KLF12: variants seen among roughly 807,000 people sequenced by gnomAD.
KLF12 encodes Krueppel-like factor 12.
Under a neutral mutation model 37.8 loss-of-function variants are expected in KLF12, and 9 were observed. The observed-to-expected ratio is 0.24, with a 90% confidence interval of 0.14 to 0.42. KLF12 has a LOEUF of 0.42. Among genes scored for constraint, KLF12 ranks in the 10% least tolerant of loss-of-function variants. KLF12 has a pLI of 1.00. For synonymous variants in KLF12, 208 were observed against 202.1 expected (o/e 1.03, Z -0.25); for missense variants, 411 against 516.0 (o/e 0.80, Z 1.97).
At chr13:74,158,008 G>A in the KLF12 span, among the ~76,000 whole-genome samples, 1 of 152,080 alleles carries the variant, frequency 6.6e-6, no homozygotes, top group Non-Finnish European at 1.5e-5. Context: ...TTATTCTCAC[G>A]CAAATTTAAA....
chr13:73,738,267 C>T (rs1387469787), intron 6 of KLF12, among the ~76,000 whole-genome samples: 1 of 151,094 alleles, frequency 6.6e-6, no homozygotes, highest in African/African-American at 2.4e-5. Context: ...GCCTCAGCCT[C>T]CCAAGTAGCT....
chr13:73,954,321 T>C (rs1473259799), intron 2 of KLF12, among the ~76,000 whole-genome samples: 1 of 152,194 alleles, frequency 6.6e-6, no homozygotes, highest in Non-Finnish European at 1.5e-5. Flanking sequence ...TCTCTTCATA[T>C]ATTTGTAATT....
At chr13:73,858,763 TGAAAAG>T (rs954159334) in intron 3 of KLF12, among the ~76,000 whole-genome samples, 2 of 152,058 alleles carry the variant, frequency 1.3e-5, no homozygotes, top group Admixed American at 6.5e-5. Flanking sequence ...TTGGAAAACA[TGAAAAG>T]GAAAAGTAAT....
chr13:74,163,341 A>G, the KLF12 span, among the ~76,000 whole-genome samples: 1 of 152,226 alleles, frequency 6.6e-6, no homozygotes, highest in Admixed American at 6.5e-5. Flanking sequence ...CTGTTTATCA[A>G]CAGATGAATG....
Position 73,943,966 on chromosome 13 carries a change from GA to G in KLF12, c.123+14del. Reference sequence around the variant, plus strand: ...CATCAAAAGGAGTGGGGCATTGCTGGAAACTTGTGCTTACCCCTTGTTCAGA... The same window carrying G: ...CATCAAAAGGAGTGGGGCATTGCTGGAACTTGTGCTTACCCCTTGTTCAGA... On this transcript the variant is annotated intron_variant, in intron 3 of 7. Coordinates refer to ENST00000377669, the MANE Select transcript of KLF12 (RefSeq NM_007249.5). The G allele has an allele frequency of 1.3e-6, 2 of 1,566,106 alleles. No individual in the cohort carries two copies. The highest frequency in any genetic ancestry group is 8.8e-7 in the Non-Finnish European group (1 of 1,137,308).
chr13:74,273,379 GTGC>G, the KLF12 span, among the ~76,000 whole-genome samples: 1 of 150,732 alleles, frequency 6.6e-6, no homozygotes, highest in Non-Finnish European at 1.5e-5. Flanking sequence ...AAGTGTATCT[GTGC>G]TGCCTTGAAA....
At chr13:74,262,373 C>A in the KLF12 span, among the ~76,000 whole-genome samples, 1 of 152,052 alleles carries the variant, frequency 6.6e-6, no homozygotes, top group Non-Finnish European at 1.5e-5. Flanking sequence ...AGCACAAGAG[C>A]GATTGTAAAT....
At chr13:74,149,276 C>T in the KLF12 span, among the ~76,000 whole-genome samples, 2 of 152,184 alleles carry the variant, frequency 1.3e-5, no homozygotes, top group South Asian at 2.1e-4. Context: ...TATAGCTATA[C>T]TCATGTGTAT....
chr13:73,697,536 G>A (rs1431428928), intron 7 of KLF12, among the ~76,000 whole-genome samples: 1 of 152,090 alleles, frequency 6.6e-6, no homozygotes, highest in East Asian at 1.9e-4. Flanking sequence ...AAAGATTGGA[G>A]GTCTACTATA....
At chr13:74,258,629 A>T in the KLF12 span, 6 of 152,246 alleles carry the variant, frequency 3.9e-5, no homozygotes, top group African/African-American at 1.4e-4. Context: ...AACAGAATGT[A>T]ACTAAGAAGT....
intron 1 of KLF12, among the ~76,000 whole-genome samples, chr13:74,107,733 T>C (rs1876733336): frequency 6.6e-6 from 1 of 152,012 alleles, no homozygotes; most frequent in Admixed American, 6.6e-5. Context: ...CCAAGACAAA[T>C]CATTAAGGGT....
chr13:73,786,061 T>G (rs149756696), intron 5 of KLF12, among the ~76,000 whole-genome samples: 3 of 151,410 alleles, frequency 2.0e-5, no homozygotes, highest in Non-Finnish European at 4.4e-5. Flanking sequence ...TGTTAGGGAG[T>G]TGCCCTGTGC....
At chr13:73,814,358 G>A (rs1252919007) in intron 4 of KLF12, among the ~76,000 whole-genome samples, 1 of 152,108 alleles carries the variant, frequency 6.6e-6, no homozygotes, top group Non-Finnish European at 1.5e-5. Flanking sequence ...TGGTTACTGT[G>A]TATCATACAT....
chr13:73,990,888 G>T (rs773710106), intron 2 of KLF12, among the ~76,000 whole-genome samples: 12 of 152,108 alleles, frequency 7.9e-5, no homozygotes, highest in Non-Finnish European at 1.0e-4. Context: ...CTAATTATTT[G>T]TATGTATGTA....
At chr13:74,015,856 A>G (rs919356712) in intron 1 of KLF12, among the ~76,000 whole-genome samples, 2 of 152,144 alleles carry the variant, frequency 1.3e-5, no homozygotes, top group Admixed American at 1.3e-4. Flanking sequence ...ATTTAACAAC[A>G]AGCATTCTTA....
At chr13:73,717,283 CAAG>C (rs1197927139) in intron 6 of KLF12, among the ~76,000 whole-genome samples, 2 of 152,092 alleles carry the variant, frequency 1.3e-5, no homozygotes, top group Non-Finnish European at 2.9e-5. Context: ...CCAACCTAGG[CAAG>C]AAGGAGAGAC....
At chr13:74,007,770 A>G (rs912426966) in intron 1 of KLF12, among the ~76,000 whole-genome samples, 1 of 152,112 alleles carries the variant, frequency 6.6e-6, no homozygotes, top group African/African-American at 2.4e-5. Context: ...ATCATCACTG[A>G]TTTTCGTATG....
the KLF12 span, among the ~76,000 whole-genome samples, chr13:74,208,747 G>T: frequency 6.6e-6 from 1 of 152,102 alleles, no homozygotes; most frequent in Non-Finnish European, 1.5e-5. Flanking sequence ...GGCTAAGATG[G>T]GAGGACTGTT....
intron 5 of KLF12, among the ~76,000 whole-genome samples, chr13:73,786,844 G>C (rs1304277763): frequency 6.6e-6 from 1 of 151,714 alleles, no homozygotes. Flanking sequence ...AGGAATGCTT[G>C]AGCCCAGGAG....
Sources: gnomAD v4.1 joint callset for allele counts (sites outside exome capture counted in the v4.1 genomes callset) on GRCh38, gnomAD v4.1.1 for gene constraint, MANE v1.5 for transcripts, NCBI Gene and HGNC (gene_info 2026-07-23, HGNC 2026-07-21) for gene names.